RNASE9: variants seen among roughly 807,000 people sequenced by gnomAD.
RNASE9 encodes inactive ribonuclease-like protein 9.
For synonymous variants in RNASE9, 95 were observed against 87.6 expected (o/e 1.08, Z -0.47); for missense variants, 263 against 247.1 (o/e 1.06, Z -0.43).
chr14:20,556,278 G>C (rs1229267347), exon 3 of RNASE9: 3 of 577,330 alleles, frequency 5.2e-6, no homozygotes, highest in Non-Finnish European at 9.2e-6. Flanking sequence ...CCACATCTCA[G>C]AGCACCGTCT....
At chr14:20,558,210 T>C in exon 3 of RNASE9, 1 of 422,968 alleles carries the variant, frequency 2.4e-6, no homozygotes, top group South Asian at 3.3e-5. Flanking sequence ...GAAGTCCTAC[T>C]TGGTGGCAAC....
At chr14:20,560,418 C>G (rs1883907538) in intron 1 of RNASE9, 1 of 151,648 alleles carries the variant, frequency 6.6e-6, no homozygotes, top group African/African-American at 2.4e-5. Context: ...TTGAGAAATA[C>G]AATAAAAAGA....
rs76644409 is a variant in RNASE9, at chr14:20,558,395, G to A, written c.-1326C>T. 750 of 697,978 alleles carry A rather than the reference G, an allele frequency of 1.1e-3. 7 individuals are homozygous for A. The highest frequency in any genetic ancestry group is 5.1e-3 in the South Asian group (327 of 64,242). 43.2% of individuals were successfully genotyped at this position (697,978 alleles called of 1,614,324 possible). On this transcript the variant is annotated 5_prime_UTR_variant, in exon 3 of 3. Coordinates refer to ENST00000555230, the Ensembl canonical transcript of RNASE9. ...GGGAACACATCAGAAAGTAGAGACA[G>A]GAAAGTTGAGCATAGGAGTGCAGAG...
intron 1 of RNASE9, among the ~76,000 whole-genome samples, chr14:20,560,140 T>A (rs1051013358): frequency 5.9e-5 from 9 of 152,156 alleles, no homozygotes; most frequent in African/African-American, 2.2e-4. Context: ...GTATTTTAAA[T>A]TTTTAAATTT....
chr14:20,559,123 GT>G (rs36119373), intron 2 of RNASE9, among the ~76,000 whole-genome samples: 10,631 of 143,876 alleles, frequency 0.074, 645 homozygotes, highest in African/African-American at 0.17. Context: ...TCATTTTACT[GT>G]TTTTTTTTTT....
chr14:20,556,493 T>A lies in RNASE9; in HGVS notation c.577A>T (p.Ser193Cys), dbSNP rs148895941. The change falls in exon 3 of 3, where the codon AGT (serine) becomes TGT (cysteine). Residue 193 changes from serine to cysteine, a missense_variant. By Grantham distance (112) the Ser-to-Cys change is moderately radical. Coordinates refer to ENST00000555230, the Ensembl canonical transcript of RNASE9. ...AAGACACCATCCTCACTGAGGAAAC[T>A]TCTGTGTTCAGGTGGCTCCACGAGA... 9 of 1,613,432 alleles carry A rather than the reference T, an allele frequency of 5.6e-6. No homozygotes were observed. The African/African-American group carries it at 1.2e-4, about 21-fold the overall frequency.
chr14:20,556,348 G>T, exon 3 of RNASE9: 1 of 832,864 alleles, frequency 1.2e-6, no homozygotes, highest in South Asian at 1.8e-5. Context: ...GAAGGTGGGT[G>T]ATTAAAGTGA....
Position 20,556,829 on chromosome 14 carries a change from C to G in RNASE9, c.241G>C (p.Glu81Gln), listed in dbSNP as rs764516815. Residue 81 changes from glutamate (E) to glutamine (Q), a missense_variant, in exon 3 of 3, where the codon GAG (glutamate) becomes CAG (glutamine). Physicochemically the swap from Glu to Gln is conservative, Grantham distance 29 (BLOSUM62 2). Coordinates refer to ENST00000555230, the Ensembl canonical transcript of RNASE9. ...CCCATGATTTCATGGTTACAGTACTCTATATGATTTAGTGGCATTCCAGGT... is the reference window on the plus strand; with the variant it reads ...CCCATGATTTCATGGTTACAGTACTGTATATGATTTAGTGGCATTCCAGGT... 2.3e-5 allele frequency: 37 copies of G among 1,613,972 alleles called. No individual in the cohort carries two copies. In the South Asian group the frequency reaches 3.1e-4, roughly 13 times the overall value.
chr14:20,559,179 C>G (rs895511895), intron 2 of RNASE9, among the ~76,000 whole-genome samples: 1 of 151,824 alleles, frequency 6.6e-6, no homozygotes, highest in Non-Finnish European at 1.5e-5. Context: ...CTCAGAACTC[C>G]GGGGTTCAAG....
exon 3 of RNASE9, chr14:20,558,113 A>G: frequency 3.8e-6 from 1 of 266,448 alleles, no homozygotes; most frequent in Non-Finnish European, 7.4e-6. Flanking sequence ...TGCTTTGACA[A>G]ATTGGTCCAT....
rs753930571 is a variant in RNASE9 at position 20,556,748 on chromosome 14, G to A, written c.322C>T (p.Gln108Ter). 1.9e-6 allele frequency: 3 copies of A among 1,613,898 alleles called. No homozygotes were observed. The highest frequency in any genetic ancestry group is 2.5e-6 in the Non-Finnish European group (3 of 1,179,864). The change falls in exon 3 of 3, where the codon CAA becomes TAA. Residue 108 changes from glutamine to a stop codon, truncating the protein, a stop_gained. Coordinates refer to ENST00000555230, the Ensembl canonical transcript of RNASE9. LOFTEE classifies it low-confidence loss of function (END_TRUNC). ...CAGATTTTTTGGAGCTCGTCATATTGCATAAGAAGGAAGTAATGTTCTGCC... is the reference window on the plus strand; with the variant it reads ...CAGATTTTTTGGAGCTCGTCATATTACATAAGAAGGAAGTAATGTTCTGCC...
exon 3 of RNASE9, chr14:20,557,152 G>A (rs1489763098): frequency 7.1e-7 from 1 of 1,415,270 alleles, no homozygotes; most frequent in Admixed American, 2.3e-5. Flanking sequence ...GTGGGGCACA[G>A]TTATGCCACA....
At chr14:20,556,936 T>C (rs1217615370) in exon 3 of RNASE9, 6 of 1,614,178 alleles carry the variant, frequency 3.7e-6, no homozygotes, top group Non-Finnish European at 5.1e-6. Flanking sequence ...CAAACACTCT[T>C]CAAATTCTTC....
At chr14:20,558,277 T>C (rs1462851835) in exon 3 of RNASE9, 4 of 565,472 alleles carry the variant, frequency 7.1e-6, no homozygotes, top group Non-Finnish European at 1.3e-5. Context: ...GTGATGGAGA[T>C]GGACAGCCTC....
At position 20,556,630 on chromosome 14, in the gene RNASE9, G is replaced by T. The variant is rs202187453; in HGVS notation, c.440C>A (p.Ala147Glu). 3.1e-6 allele frequency: 5 copies of T among 1,613,194 alleles called. No homozygotes were observed. In the East Asian group the frequency reaches 1.1e-4, roughly 36 times the overall value. ...GTATTTACACGCTGGTATTTCAAAT[G>T]CTTCTGTTAAATTACAATACACTCC... The change falls in exon 3 of 3, where the codon GCA becomes GAA. Residue 147 changes from alanine (A) to glutamate (E), a missense_variant. Coordinates refer to ENST00000555230, the Ensembl canonical transcript of RNASE9.
chr14:20,558,372 G>A, exon 3 of RNASE9: 1 of 672,638 alleles, frequency 1.5e-6, no homozygotes, highest in Admixed American at 2.2e-5. Context: ...GGGTGTTGGG[G>A]AACACATCAG....
At chr14:20,560,324 T>C (rs1031669873) in intron 1 of RNASE9, 2 of 152,036 alleles carry the variant, frequency 1.3e-5, no homozygotes, top group Admixed American at 6.6e-5. Context: ...TGGCAATAAT[T>C]ATAATAACTT....
chr14:20,559,005 C>T (rs1386660297), intron 2 of RNASE9, among the ~76,000 whole-genome samples: 1 of 152,058 alleles, frequency 6.6e-6, no homozygotes, highest in Non-Finnish European at 1.5e-5. Context: ...GGGAAAAAAT[C>T]TATTCTCTCA....
exon 3 of RNASE9, chr14:20,556,286 T>C (rs1368638141): frequency 2.9e-5 from 17 of 589,438 alleles, no homozygotes; most frequent in Non-Finnish European, 4.8e-5. Flanking sequence ...CAGAGCACCG[T>C]CTGTGAACCT....
Sources: gnomAD v4.1 joint callset for allele counts (sites outside exome capture counted in the v4.1 genomes callset) on GRCh38, gnomAD v4.1.1 for gene constraint, MANE v1.5 for transcripts, NCBI Gene and HGNC (gene_info 2026-07-23, HGNC 2026-07-21) for gene names.